The following CYP2C18 variants were observed in gnomAD, a reference collection of about 807,000 sequenced individuals.
The protein encoded by CYP2C18 is cytochrome P450 2C18.
CYP2C18 carries 38 observed loss-of-function variants against 41.3 expected under a neutral mutation model. That is an observed-to-expected ratio of 0.92 (90% CI 0.71 to 1.21). The LOEUF (loss-of-function observed/expected upper bound fraction) is 1.21. Among genes scored for constraint, CYP2C18 ranks in the 50% most tolerant of loss-of-function variants. The pLI, the probability that CYP2C18 is intolerant of heterozygous loss-of-function variation, is 0.00. For synonymous variants in CYP2C18, 236 were observed against 210.0 expected (o/e 1.12, Z -1.07); for missense variants, 635 against 591.4 (o/e 1.07, Z -0.77).
chr10:94,692,959 A>G (rs920830039), intron 3 of CYP2C18, among the ~76,000 whole-genome samples: 1 of 152,086 alleles, frequency 6.6e-6, no homozygotes, highest in Non-Finnish European at 1.5e-5. Flanking sequence ...TGGGAATTGA[A>G]CAATGAGAAC....
At chr10:94,726,471 G>A (rs375005901) in intron 7 of CYP2C18, among the ~76,000 whole-genome samples, 5 of 152,184 alleles carry the variant, frequency 3.3e-5, no homozygotes, top group Middle Eastern at 3.4e-3. Flanking sequence ...ATAGTTTGCT[G>A]AGAATGATGG....
Position 94,685,650 on chromosome 10 carries a change from G to T in CYP2C18, c.168+1663G>T, listed in dbSNP as rs188723826. On this transcript the variant is annotated intron_variant, in intron 1 of 8. Coordinates refer to ENST00000285979, the MANE Select transcript of CYP2C18 (RefSeq NM_000772.3). ...TTTTCCCAACACCTTTTGCTGAAGA[G>T]TGCTTTCCCCATTGTATGTTCTTGG... Among the ~76,000 whole-genome samples, 8 of 152,230 alleles carry T rather than the reference G, an allele frequency of 5.3e-5. No individual in the cohort carries two copies. In the East Asian group the frequency reaches 7.7e-4, roughly 15 times the overall value.
At chr10:94,711,642 C>T (rs997762967) in intron 5 of CYP2C18, among the ~76,000 whole-genome samples, 1 of 152,052 alleles carries the variant, frequency 6.6e-6, no homozygotes, top group African/African-American at 2.4e-5. Flanking sequence ...ACCTCCTGAA[C>T]TCAAGTATTC....
At chr10:94,709,556 T>C (rs1393174007) in intron 5 of CYP2C18, among the ~76,000 whole-genome samples, 3 of 152,218 alleles carry the variant, frequency 2.0e-5, no homozygotes, top group Admixed American at 1.3e-4. Context: ...GTCAAGTGTC[T>C]TTCACTTTCT....
In CYP2C18 at chr10:94,722,913, C is replaced by T. The variant is rs891979722; in HGVS notation, c.962-1433C>T. Among the ~76,000 whole-genome samples, 40 of 152,194 alleles carry T rather than the reference C, an allele frequency of 2.6e-4. 1 individual carries two copies. Among genetic ancestry groups the T allele is most frequent in the Admixed American group, 2.5e-3 (38 of 15,268 alleles). ...ACAAGTAGCACCAGTGGAAAGACCTCCATTTTTCACCATTTAGATAGAAAA... is the reference window on the plus strand; with the variant it reads ...ACAAGTAGCACCAGTGGAAAGACCTTCATTTTTCACCATTTAGATAGAAAA... On this transcript the variant is annotated intron_variant, in intron 6 of 8. Transcript: ENST00000285979.
chr10:94,685,500 A>G (rs1416793231), intron 1 of CYP2C18, among the ~76,000 whole-genome samples: 1 of 116,430 alleles, frequency 8.6e-6, no homozygotes, highest in African/African-American at 2.6e-5. Flanking sequence ...GAGTTTTTCT[A>G]TATGGTTTCT....
intron 4 of CYP2C18, among the ~76,000 whole-genome samples, chr10:94,701,886 CA>C (rs1266964301): frequency 3.3e-5 from 5 of 152,224 alleles, no homozygotes; most frequent in Non-Finnish European, 5.9e-5. Context: ...GTGTCTTCCT[CA>C]TGAAAAATTG....
At chr10:94,700,076 T>G (rs1847205886) in intron 4 of CYP2C18, among the ~76,000 whole-genome samples, 1 of 152,104 alleles carries the variant, frequency 6.6e-6, no homozygotes, top group Non-Finnish European at 1.5e-5. Flanking sequence ...AGATTCAATG[T>G]CATTTCCATC....
intron 4 of CYP2C18, among the ~76,000 whole-genome samples, chr10:94,705,115 A>G (rs533369066): frequency 6.6e-6 from 1 of 152,260 alleles, no homozygotes; most frequent in African/African-American, 2.4e-5. Context: ...CTGATGAGGG[A>G]GGTGGTACAA....
chr10:94,714,389 T>A (rs1319645602), intron 5 of CYP2C18, among the ~76,000 whole-genome samples: 1 of 152,242 alleles, frequency 6.6e-6, no homozygotes, highest in African/African-American at 2.4e-5. Flanking sequence ...TTCAGCTTTC[T>A]ACATATGGCT....
chr10:94,694,292 T>C (rs1408647614), intron 3 of CYP2C18, among the ~76,000 whole-genome samples: 1 of 152,156 alleles, frequency 6.6e-6, no homozygotes, highest in African/African-American at 2.4e-5. Flanking sequence ...GAAATGAAAG[T>C]TTCTTATTAC....
At chr10:94,727,044 G>T (rs1182891871) in intron 7 of CYP2C18, among the ~76,000 whole-genome samples, 1 of 151,996 alleles carries the variant, frequency 6.6e-6, no homozygotes, top group African/African-American at 2.4e-5. Context: ...CTGAGGAAAT[G>T]AATTTAAAAT....
At chr10:94,728,587 A>C in intron 7 of CYP2C18, 2 of 952,502 alleles carry the variant, frequency 2.1e-6, no homozygotes, top group Non-Finnish European at 2.5e-6. Flanking sequence ...GAGTTCCCCC[A>C]CGTGTTTTAA....
At chr10:94,733,868 T>C (rs1564650756) in intron 8 of CYP2C18, among the ~76,000 whole-genome samples, 1 of 151,962 alleles carries the variant, frequency 6.6e-6, no homozygotes, top group Non-Finnish European at 1.5e-5. Flanking sequence ...GAGAATGGGC[T>C]CTTAAGAGGC....
chr10:94,692,873 G>A (rs1589793125), intron 3 of CYP2C18, among the ~76,000 whole-genome samples: 1 of 152,196 alleles, frequency 6.6e-6, no homozygotes, highest in Admixed American at 6.5e-5. Flanking sequence ...CCTTTGTAAG[G>A]ACATGAATGA....
chr10:94,712,015 T>TTC (rs1461289186), intron 5 of CYP2C18, among the ~76,000 whole-genome samples: 2 of 145,006 alleles, frequency 1.4e-5, no homozygotes, highest in Non-Finnish European at 1.5e-5. Context: ...CTAATTTTTT[T>TTC]TTTTTTTTTT....
intron 4 of CYP2C18, among the ~76,000 whole-genome samples, chr10:94,695,882 T>A (rs1434569322): frequency 6.6e-6 from 1 of 152,080 alleles, no homozygotes; most frequent in Admixed American, 6.6e-5. Flanking sequence ...ACCTCACTCA[T>A]TGATAGCACA....
In CYP2C18 at chr10:94,694,993, A is replaced by C. The variant is rs1847086957; in HGVS notation, c.558A>C (p.Arg186=). 1 of 1,612,994 alleles carries C rather than the reference A, an allele frequency of 6.2e-7. No individual in the cohort carries two copies. The highest frequency in any genetic ancestry group is 8.5e-7 in the Non-Finnish European group (1 of 1,179,830). The change falls in exon 4 of 9, where the codon CGA becomes CGC. Residue 186 remains arginine (R), a synonymous_variant. Transcript: ENST00000285979. ...NVICSVIFHD[R]FDYKDQRFLN... ...TCTGCTCTGTTATTTTCCATGATCG[A>C]TTTGATTATAAAGATCAGAGGTTTC...
chr10:94,704,786 A>T (rs1205491244), intron 4 of CYP2C18, among the ~76,000 whole-genome samples: 6 of 152,186 alleles, frequency 3.9e-5, no homozygotes, highest in African/African-American at 1.4e-4. Context: ...TTTCCAAAGA[A>T]ACTGTCTCCC....
Sources: allele counts gnomAD v4.1 joint callset (sites outside exome capture counted in the v4.1 genomes callset), GRCh38; gene constraint gnomAD v4.1.1; transcripts MANE v1.5; gene names NCBI Gene and HGNC (gene_info 2026-07-23, HGNC 2026-07-21).